The following RAPGEF6 variants were observed in gnomAD, a reference collection of about 807,000 sequenced individuals.
RAPGEF6 encodes Rap guanine nucleotide exchange factor 6.
RAPGEF6 carries 56 observed loss-of-function variants against 171.4 expected under a neutral mutation model. The observed-to-expected ratio is 0.33, with a 90% CI of 0.26 to 0.41. RAPGEF6 has a LOEUF of 0.41. RAPGEF6 is among the 10% of genes least tolerant of loss of function. RAPGEF6 has a pLI of 1.00. For missense variants in RAPGEF6, 1,674 were observed against 1,921.4 expected (o/e 0.87, Z 2.41); for synonymous variants, 692 against 650.1 (o/e 1.06, Z -0.98).
At position 131,603,266 on chromosome 5, in the gene RAPGEF6, C is replaced by A; in HGVS notation, c.197+5G>T. The A allele has an allele frequency of 6.3e-7, 1 of 1,579,686 alleles. No individual in the cohort carries two copies. ...TTAGTTTATGTGAATTATGGAAATA[C>A]TTACCAAAAGAGAACCTGATTGCCA... On this transcript the variant is annotated splice_donor_5th_base_variant and intron_variant, in intron 3 of 27. Coordinates refer to ENST00000509018, the MANE Select transcript of RAPGEF6 (RefSeq NM_016340.6).
intron 2 of RAPGEF6, 135 bp from the exon 3 acceptor site, chr5:131,603,462 TAC>T (rs1431275139): frequency 3.3e-6 from 2 of 597,162 alleles, no homozygotes; most frequent in Non-Finnish European, 5.9e-6. Context: ...GTCACTAAAC[TAC>T]AGAGAGTTTA....
In RAPGEF6 at chr5:131,424,527, A is replaced by G. The variant is rs1282340074; in HGVS notation, c.*2739T>C. On this transcript the variant is annotated 3_prime_UTR_variant, in exon 28 of 28. Coordinates refer to ENST00000509018, the MANE Select transcript of RAPGEF6 (RefSeq NM_016340.6). ...GGAAAGAACACTTGATAAAAATTAG[A>G]TTTGTTCTTAAAAACACCCATGATT... is the stretch of plus-strand genomic sequence containing the variant. 6.6e-6 allele frequency: 1 copy of G among 152,260 alleles called. No homozygotes were observed. Among genetic ancestry groups the G allele is most frequent in the East Asian group, 1.9e-4 (1 of 5,334 alleles). 9.4% of individuals were successfully genotyped at this position (152,260 alleles called of 1,614,324 possible).
Position 131,427,253 on chromosome 5 carries a change from G to C in RAPGEF6, c.*13C>G, listed in dbSNP as rs1308222609. The C allele has an allele frequency of 1.2e-6, 2 of 1,607,510 alleles. No homozygotes were observed. Among genetic ancestry groups the C allele is most frequent in the East Asian group, 4.5e-5 (2 of 44,848 alleles). On this transcript the variant is annotated 3_prime_UTR_variant, in exon 28 of 28. Coordinates refer to ENST00000509018, the MANE Select transcript of RAPGEF6 (RefSeq NM_016340.6). ...CACGACTTTCAGTGGTTTTCAAATA[G>C]GTCATCCAAAGGCTAGACTGCTGAA...
At chr5:131,531,616 C>T (rs1219004709) in intron 6 of RAPGEF6, among the ~76,000 whole-genome samples, 2 of 152,046 alleles carry the variant, frequency 1.3e-5, no homozygotes, top group Non-Finnish European at 2.9e-5. Flanking sequence ...GTATTTTCTT[C>T]ATATTATTTC....
At chr5:131,427,348 TAATC>T in intron 27 of RAPGEF6, 57 bp from the exon 28 acceptor site, 1 of 1,384,432 alleles carries the variant, frequency 7.2e-7, no homozygotes, top group Non-Finnish European at 1.0e-6. Flanking sequence ...GAGATCCTAA[TAATC>T]TAGTTATCTA....
chr5:131,500,425 C>T (rs188022450), intron 11 of RAPGEF6, among the ~76,000 whole-genome samples: 111 of 152,216 alleles, frequency 7.3e-4, no homozygotes, highest in Non-Finnish European at 1.2e-3. Flanking sequence ...GGGATGGGAA[C>T]TGTTCAACAT....
intron 6 of RAPGEF6, 66 bp from the exon 7 acceptor site, chr5:131,521,587 T>G: frequency 6.8e-7 from 1 of 1,467,820 alleles, no homozygotes; most frequent in South Asian, 1.3e-5. Flanking sequence ...GGTTTCGACA[T>G]GTTCAACAAA....
chr5:131,554,372 GC>G (rs759646491), intron 5 of RAPGEF6, among the ~76,000 whole-genome samples: 32 of 151,964 alleles, frequency 2.1e-4, no homozygotes, highest in Non-Finnish European at 4.4e-4. Context: ...AGAACTAAAA[GC>G]AAAAAATATT....
chr5:131,435,497 A>G (rs1316515409), intron 24 of RAPGEF6, among the ~76,000 whole-genome samples: 1 of 152,248 alleles, frequency 6.6e-6, no homozygotes, highest in African/African-American at 2.4e-5. Context: ...CTCAAATATA[A>G]TAATACTAAG....
chr5:131,521,221 C>T (rs1433452210), intron 7 of RAPGEF6, among the ~76,000 whole-genome samples, 169 bp downstream of exon 7: 1 of 152,164 alleles, frequency 6.6e-6, no homozygotes, highest in Non-Finnish European at 1.5e-5. Context: ...CAGATCACGT[C>T]TTTAATCATG....
intron 21 of RAPGEF6, chr5:131,449,877 G>T: frequency 1.2e-6 from 1 of 864,938 alleles, no homozygotes; most frequent in Non-Finnish European, 1.8e-6. Flanking sequence ...CTTTCACCTT[G>T]TTAGCAGAAG....
intron 5 of RAPGEF6, among the ~76,000 whole-genome samples, chr5:131,560,881 C>T (rs922529936): frequency 6.6e-6 from 1 of 152,198 alleles, no homozygotes; most frequent in Non-Finnish European, 1.5e-5. Context: ...TTGAAGGTAT[C>T]AATCTGACTA....
chr5:131,559,287 C>T (rs1018211331), intron 5 of RAPGEF6, among the ~76,000 whole-genome samples: 2 of 151,984 alleles, frequency 1.3e-5, no homozygotes, highest in East Asian at 3.9e-4. Flanking sequence ...TGAGATTATG[C>T]CACTGCACCC....
chr5:131,633,828 A>T (rs1766464914), intron 1 of RAPGEF6, among the ~76,000 whole-genome samples: 1 of 152,252 alleles, frequency 6.6e-6, no homozygotes, highest in Non-Finnish European at 1.5e-5. Flanking sequence ...AGGCTGTAAG[A>T]TAATTCGCCT....
At chr5:131,456,048 CTT>C in intron 19 of RAPGEF6, 36 bp from the exon 20 acceptor site, 4 of 1,579,402 alleles carry the variant, frequency 2.5e-6, no homozygotes, top group Non-Finnish European at 3.5e-6. Flanking sequence ...TAAAAAGAAA[CTT>C]GGGGAAAGGG....
In RAPGEF6 at chr5:131,572,874, T is replaced by C. The variant is rs80233000; in HGVS notation, c.282-10827A>G. 7.3e-3 allele frequency among the ~76,000 whole-genome samples: 1,105 copies of C among 152,284 alleles called. 13 individuals carry two copies. Among genetic ancestry groups the C allele is most frequent in the African/African-American group, 0.025 (1,023 of 41,540 alleles). ...GCCCCAATACAAACTCGACAATAGTTCCAAGTGGCCAGAGAAATGGCACTT... is the reference window on the plus strand; with the variant it reads ...GCCCCAATACAAACTCGACAATAGTCCCAAGTGGCCAGAGAAATGGCACTT... On this transcript the variant is annotated intron_variant, in intron 4 of 27. Transcript: ENST00000509018.
intron 20 of RAPGEF6, among the ~76,000 whole-genome samples, chr5:131,453,954 A>C (rs540415599): frequency 6.6e-6 from 1 of 152,372 alleles, no homozygotes; most frequent in Non-Finnish European, 1.5e-5. Flanking sequence ...AGGCAGTAAG[A>C]CTACATAATT....
chr5:131,531,044 A>T (rs1021907452), intron 6 of RAPGEF6, among the ~76,000 whole-genome samples: 2 of 152,160 alleles, frequency 1.3e-5, no homozygotes, highest in African/African-American at 2.4e-5. Flanking sequence ...TTTACATTTC[A>T]ATCAGCTGTT....
chr5:131,534,608 T>TG (rs1037265735), intron 6 of RAPGEF6, among the ~76,000 whole-genome samples: 4 of 150,896 alleles, frequency 2.7e-5, no homozygotes, highest in African/African-American at 9.7e-5. Context: ...ACCAATGTGT[T>TG]TTTTTTTTTT....
Sources: allele counts gnomAD v4.1 joint callset (sites outside exome capture counted in the v4.1 genomes callset), GRCh38; gene constraint gnomAD v4.1.1; transcripts MANE v1.5; gene names NCBI Gene and HGNC (gene_info 2026-07-23, HGNC 2026-07-21).